SOX6: variants seen among roughly 807,000 people sequenced by gnomAD.
The protein encoded by SOX6 is transcription factor SOX-6.
A neutral mutation model predicts 97.8 loss-of-function variants in SOX6; 11 were observed. The ratio of observed to expected loss-of-function variants is 0.11; its 90% CI spans 0.07 to 0.19. SOX6 has a LOEUF of 0.19. Ranked by LOEUF, SOX6 falls within the 10% of genes least tolerant of loss-of-function variation. SOX6 has a pLI of 1.00. For synonymous variants in SOX6, 360 were observed against 371.4 expected (o/e 0.97, Z 0.35); for missense variants, 810 against 1,039.5 (o/e 0.78, Z 3.04).
chr11:16,298,647 C>T (rs951855313), intron 3 of SOX6, among the ~76,000 whole-genome samples: 16 of 152,038 alleles, frequency 1.1e-4, no homozygotes, highest in South Asian at 2.1e-4. Context: ...AGATGTTATT[C>T]TAAAACAGTC....
At chr11:16,642,497 T>C (rs575849245) in intron 3 of SOX6, among the ~76,000 whole-genome samples, 2 of 152,352 alleles carry the variant, frequency 1.3e-5, no homozygotes, top group East Asian at 1.9e-4. Flanking sequence ...TCGTGGATAA[T>C]ATCCTGCAGT....
In SOX6 at chr11:16,623,315, C is replaced by T. The variant is rs974947872; in HGVS notation, n.430-11055G>A. On this transcript the variant is annotated intron_variant and non_coding_transcript_variant, in intron 3 of 5. Transcript: ENST00000524520. ...GGATTACAGGCGTGAGCCACTGTGT[C>T]CAGCTGCTGAGCATTTTTTAATATG... Among the ~76,000 whole-genome samples the T allele has an allele frequency of 2.0e-5, 3 of 152,188 alleles. No homozygotes were observed. The East Asian group carries it at 5.8e-4, about 29-fold the overall frequency.
At chr11:16,238,634 C>A (rs911265846) in intron 3 of SOX6, among the ~76,000 whole-genome samples, 4 of 151,882 alleles carry the variant, frequency 2.6e-5, no homozygotes, top group Non-Finnish European at 4.4e-5. Flanking sequence ...TCAGATAGAT[C>A]AAAAATAAAT....
At chr11:16,160,409 T>C (rs907423520) in intron 6 of SOX6, among the ~76,000 whole-genome samples, 1 of 152,192 alleles carries the variant, frequency 6.6e-6, no homozygotes, top group Admixed American at 6.5e-5. Flanking sequence ...GCTGTATGTT[T>C]TACAGTATTT....
chr11:16,605,471 G>A lies in SOX6; in HGVS notation n.609+6610C>T, dbSNP rs1160339238. 6.6e-6 allele frequency among the ~76,000 whole-genome samples: 1 copy of A among 152,098 alleles called. No individual in the cohort carries two copies. The highest frequency in any genetic ancestry group is 2.4e-5 in the African/African-American group (1 of 41,418). On this transcript the variant is annotated intron_variant and non_coding_transcript_variant, in intron 4 of 5. Transcript: ENST00000524520. This position sits in a 1 kb window ranked among gnomAD's most constrained non-coding sequence, Gnocchi z 5.3. ...TCATTAAAAAGTACTGTCCAAAAACGGGGGGAGGGGGAAGGAAGGGCGACA... is the reference window on the plus strand; with the variant it reads ...TCATTAAAAAGTACTGTCCAAAAACAGGGGGAGGGGGAAGGAAGGGCGACA...
At position 16,212,390 on chromosome 11, in the gene SOX6, T is replaced by C. The variant is rs575663607; in HGVS notation, c.535+22192A>G. Among the ~76,000 whole-genome samples, 5 of 152,280 alleles carry C rather than the reference T, an allele frequency of 3.3e-5. No homozygotes were observed. In the South Asian group the frequency reaches 8.3e-4, roughly 25 times the overall value. On this transcript the variant is annotated intron_variant, in intron 4 of 15. Transcript: ENST00000683767. The stretch of plus-strand genomic sequence containing the variant: ...TTATAAGAAAATATCTATGGTATTA[T>C]TTTTACATGTTTTCAGTTTATATAA...
chr11:16,105,700 G>C (rs1335469685), intron 7 of SOX6, among the ~76,000 whole-genome samples: 1 of 152,094 alleles, frequency 6.6e-6, no homozygotes, highest in Non-Finnish European at 1.5e-5. Context: ...TAGTGGAAGT[G>C]CTAGCCACTG....
chr11:16,282,496 A>C (rs192906381), intron 3 of SOX6, among the ~76,000 whole-genome samples: 18 of 151,616 alleles, frequency 1.2e-4, no homozygotes, highest in African/African-American at 4.3e-4. Flanking sequence ...TTGAATATGC[A>C]AAGTAACTCT....
At chr11:16,438,970 T>G (rs1220344534) in intron 1 of SOX6, among the ~76,000 whole-genome samples, 1 of 152,236 alleles carries the variant, frequency 6.6e-6, no homozygotes, top group African/African-American at 2.4e-5. Flanking sequence ...TATATTGTTA[T>G]GTTCTTCCAA....
At chr11:16,042,994 CAAG>C (rs1855715905) in intron 12 of SOX6, among the ~76,000 whole-genome samples, 1 of 152,124 alleles carries the variant, frequency 6.6e-6, no homozygotes, top group East Asian at 1.9e-4. Flanking sequence ...ATTCAAACAT[CAAG>C]AAGGTCAGAG....
At chr11:16,152,204 A>T (rs1178319488) in intron 6 of SOX6, among the ~76,000 whole-genome samples, 1 of 152,192 alleles carries the variant, frequency 6.6e-6, no homozygotes, top group Non-Finnish European at 1.5e-5. Context: ...TTTTAAAACA[A>T]CCTTAAATAG....
intron 12 of SOX6, among the ~76,000 whole-genome samples, chr11:16,033,823 G>A (rs1267275819): frequency 6.6e-6 from 1 of 152,062 alleles, no homozygotes; most frequent in African/African-American, 2.4e-5. Context: ...GGTGAGCCGA[G>A]ATCGTGCCAT....
At chr11:16,456,302 C>T (rs191639618) in intron 1 of SOX6, among the ~76,000 whole-genome samples, 170 of 152,230 alleles carry the variant, frequency 1.1e-3, no homozygotes, top group Middle Eastern at 3.4e-3. Context: ...ATCCACAGTG[C>T]TGCCAAATGC....
At chr11:16,242,988 C>T (rs1253008426) in intron 3 of SOX6, among the ~76,000 whole-genome samples, 1 of 151,794 alleles carries the variant, frequency 6.6e-6, no homozygotes, top group Admixed American at 6.6e-5. Flanking sequence ...CATACCTGTG[C>T]TTTTTCACTT....
intron 1 of SOX6, among the ~76,000 whole-genome samples, chr11:16,469,864 G>C (rs190588009): frequency 6.6e-6 from 1 of 152,102 alleles, no homozygotes; most frequent in Admixed American, 6.5e-5. Flanking sequence ...ACACCACTAA[G>C]AGATTAAAAA....
intron 3 of SOX6, among the ~76,000 whole-genome samples, chr11:16,238,652 T>C (rs1853097163): frequency 6.6e-6 from 1 of 152,030 alleles, no homozygotes; most frequent in Non-Finnish European, 1.5e-5. Context: ...AATAAACAAA[T>C]TGTCATTAAA....
At chr11:16,375,225 G>A (rs547928761) in intron 1 of SOX6, among the ~76,000 whole-genome samples, 27 of 152,086 alleles carry the variant, frequency 1.8e-4, no homozygotes, top group African/African-American at 5.8e-4. Context: ...GCCACCCAAC[G>A]CATTCATACA....
intron 1 of SOX6, among the ~76,000 whole-genome samples, chr11:16,473,530 T>A (rs1043260134): frequency 1.3e-5 from 2 of 150,306 alleles, no homozygotes; most frequent in African/African-American, 4.9e-5. Flanking sequence ...AAGGTTGGAG[T>A]GGCTGTGGGC....
chr11:15,989,738 GAATT>G (rs1325588649), intron 13 of SOX6, among the ~76,000 whole-genome samples: 1 of 152,118 alleles, frequency 6.6e-6, no homozygotes, highest in South Asian at 2.1e-4. Flanking sequence ...ATGATTGAAT[GAATT>G]AATTCAATGA....
Sources: gnomAD v4.1 joint callset for allele counts (sites outside exome capture counted in the v4.1 genomes callset) on GRCh38, gnomAD v4.1.1 for gene constraint, Gnocchi (gnomAD v3.1) non-coding constraint, MANE v1.5 for transcripts, NCBI Gene and HGNC (gene_info 2026-07-23, HGNC 2026-07-21) for gene names.